Variants in TAS2R1 observed in about 807,000 individuals in gnomAD.
TAS2R1 encodes the protein taste 2 receptor member 1, also known as taste receptor type 2 member 1.
For synonymous variants in TAS2R1, 141 were observed against 134.2 expected (o/e 1.05, Z -0.35); for missense variants, 370 against 353.4 (o/e 1.05, Z -0.38).
At chr5:9,840,603 A>G in the TAS2R1 span, among the ~76,000 whole-genome samples, 1 of 151,986 alleles carries the variant, frequency 6.6e-6, no homozygotes, top group Non-Finnish European at 1.5e-5. Flanking sequence ...ATATTCCTAT[A>G]TATTTTAGAT....
chr5:9,781,113 T>C, the TAS2R1 span, among the ~76,000 whole-genome samples: 1 of 152,218 alleles, frequency 6.6e-6, no homozygotes, highest in Non-Finnish European at 1.5e-5. Flanking sequence ...AAATGATCCA[T>C]GTACCATGAC....
At chr5:9,886,610 A>G in the TAS2R1 span, among the ~76,000 whole-genome samples, 1 of 152,168 alleles carries the variant, frequency 6.6e-6, no homozygotes, top group Non-Finnish European at 1.5e-5. Context: ...CTGGGATTAC[A>G]GATGTGAGCC....
At chr5:9,711,019 A>C (rs992265207) in intron 1 of TAS2R1, among the ~76,000 whole-genome samples, 1 of 150,092 alleles carries the variant, frequency 6.7e-6, no homozygotes, top group African/African-American at 2.4e-5. Context: ...AATAAGTGTC[A>C]GAATGCGGAG....
the TAS2R1 span, among the ~76,000 whole-genome samples, chr5:9,880,382 TAGG>T: frequency 6.6e-6 from 1 of 152,260 alleles, no homozygotes; most frequent in Non-Finnish European, 1.5e-5. Context: ...TGAGGCTTCC[TAGG>T]AGAATAGCTG....
At chr5:9,809,464 A>G in the TAS2R1 span, among the ~76,000 whole-genome samples, 2 of 152,086 alleles carry the variant, frequency 1.3e-5, no homozygotes, top group Admixed American at 6.6e-5. Flanking sequence ...TAGTGTCCTT[A>G]TAAGAAGAGG....
chr5:9,740,289 GA>G, the TAS2R1 span, among the ~76,000 whole-genome samples: 231 of 152,196 alleles, frequency 1.5e-3, 1 homozygote, highest in African/African-American at 5.2e-3. Context: ...TAAAAATGCT[GA>G]AAAAAAGTGA....
the TAS2R1 span, among the ~76,000 whole-genome samples, chr5:9,792,431 T>G: frequency 1.3e-5 from 2 of 152,336 alleles, no homozygotes; most frequent in Middle Eastern, 3.4e-3. Flanking sequence ...GAAGTAGGCT[T>G]TCTTCCCGTG....
chr5:9,813,244 C>T, the TAS2R1 span, among the ~76,000 whole-genome samples: 1,376 of 152,280 alleles, frequency 9.0e-3, 25 homozygotes, highest in African/African-American at 0.031. Context: ...AGATCTTTTC[C>T]TCACAGCCCT....
chr5:9,783,168 C>T, the TAS2R1 span, among the ~76,000 whole-genome samples: 1 of 152,204 alleles, frequency 6.6e-6, no homozygotes, highest in African/African-American at 2.4e-5. Flanking sequence ...CATTTAAATG[C>T]TTGCATAGCC....
the TAS2R1 span, among the ~76,000 whole-genome samples, chr5:9,829,924 C>T: frequency 6.6e-6 from 1 of 152,216 alleles, no homozygotes; most frequent in Non-Finnish European, 1.5e-5. Flanking sequence ...ACCAGAGATA[C>T]TGCCTAGTCA....
rs373304778 is a variant in TAS2R1, at chr5:9,694,486, A to C, written c.-242+17686T>G. Among the ~76,000 whole-genome samples the C allele has an allele frequency of 4.1e-4, 62 of 152,330 alleles. 1 individual carries two copies. In the South Asian group the frequency reaches 7.7e-3, roughly 19 times the overall value. On this transcript the variant is annotated intron_variant, in intron 1 of 2. Coordinates refer to the TAS2R1 transcript ENST00000506620. Reference sequence around the variant, plus strand: ...CTACTTACAAAACAAAGATTTTCTTAATTTGGGCTTCAATCATTTTAATAG... The same window carrying C: ...CTACTTACAAAACAAAGATTTTCTTCATTTGGGCTTCAATCATTTTAATAG...
the TAS2R1 span, among the ~76,000 whole-genome samples, chr5:9,816,740 A>T: frequency 6.6e-6 from 1 of 152,214 alleles, no homozygotes; most frequent in East Asian, 1.9e-4. Context: ...ACAAGCAAGC[A>T]TGAAAACTAT....
the TAS2R1 span, among the ~76,000 whole-genome samples, chr5:9,898,767 C>CT: frequency 6.6e-6 from 1 of 152,192 alleles, no homozygotes; most frequent in African/African-American, 2.4e-5. Context: ...CATGTAGCAG[C>CT]TGGGCCCTCC....
chr5:9,884,812 T>G, the TAS2R1 span, among the ~76,000 whole-genome samples: 1 of 152,252 alleles, frequency 6.6e-6, no homozygotes, highest in African/African-American at 2.4e-5. Flanking sequence ...TTCTAGGAAC[T>G]AGCTGTTTGT....
At chr5:9,868,571 C>T in the TAS2R1 span, among the ~76,000 whole-genome samples, 1 of 152,164 alleles carries the variant, frequency 6.6e-6, no homozygotes, top group African/African-American at 2.4e-5. Flanking sequence ...GTCCTCAGAG[C>T]CTGTGATGGG....
the TAS2R1 span, among the ~76,000 whole-genome samples, chr5:9,766,965 T>C: frequency 1.3e-5 from 2 of 152,132 alleles, no homozygotes; most frequent in East Asian, 3.9e-4. Flanking sequence ...TCCTATGCTC[T>C]CTTCTCTCCC....
chr5:9,866,205 T>C, the TAS2R1 span, among the ~76,000 whole-genome samples: 1 of 152,178 alleles, frequency 6.6e-6, no homozygotes, highest in Admixed American at 6.5e-5. Flanking sequence ...ATTTCATTTA[T>C]TTTTATTTTT....
chr5:9,885,919 A>G, the TAS2R1 span, among the ~76,000 whole-genome samples: 4 of 152,238 alleles, frequency 2.6e-5, no homozygotes, highest in Admixed American at 6.5e-5. Context: ...AGAAACTTCA[A>G]TAAAATTATT....
the TAS2R1 span, among the ~76,000 whole-genome samples, chr5:9,897,075 A>C: frequency 6.6e-6 from 1 of 152,252 alleles, no homozygotes; most frequent in African/African-American, 2.4e-5. Flanking sequence ...CAGAAGACTA[A>C]GGATGATCTT....
Sources: allele counts gnomAD v4.1 joint callset (sites outside exome capture counted in the v4.1 genomes callset), GRCh38; gene constraint gnomAD v4.1.1; transcripts MANE v1.5; gene names NCBI Gene and HGNC (gene_info 2026-07-23, HGNC 2026-07-21).